CIZ1: variants seen among roughly 807,000 people sequenced by gnomAD.
CIZ1 encodes cip1-interacting zinc finger protein.
A neutral mutation model predicts 118.6 loss-of-function variants in CIZ1; 58 were observed. The observed-to-expected ratio is 0.49, with a 90% CI of 0.40 to 0.61. CIZ1 has a LOEUF of 0.61. CIZ1 is among the 20% of genes least tolerant of loss of function. The pLI is 0.00. For missense variants in CIZ1, 921 were observed against 1,115.9 expected (o/e 0.83, Z 2.49); for synonymous variants, 448 against 443.4 (o/e 1.01, Z -0.13).
chr9:128,196,855 G>T (rs4837256), intron 1 of CIZ1: 139,346 of 152,168 alleles, frequency 0.92, 64,537 homozygotes, highest in Non-Finnish European at 0.98. Flanking sequence ...CCCCGCCTCA[G>T]CCTCTCAAAG....
At chr9:128,168,559 GCTC>G (rs1402287004) in intron 14 of CIZ1, among the ~76,000 whole-genome samples, 1 of 149,748 alleles carries the variant, frequency 6.7e-6, no homozygotes, top group Admixed American at 6.6e-5. Context: ...ACGAATCCAA[GCTC>G]CTCCAGCTCC....
Position 128,166,233 on chromosome 9 carries a change from G to A in CIZ1, c.2661C>T (p.Pro887=), listed in dbSNP as rs934813268. The change falls in exon 17 of 17, where the codon CCC becomes CCT. Residue 887 remains proline (P), a synonymous_variant. Coordinates refer to ENST00000372938, the MANE Select transcript of CIZ1 (RefSeq NM_001131016.2). This position sits in a 1 kb window ranked among gnomAD's most constrained non-coding sequence, Gnocchi z 4.4. ...PSKVTARPSQ[P]PLPRRSTRLK... ...GGCGGGTTGAGCGCCGAGGTAGTGG[G>A]GGCTGGGAGGGTCGAGCCGTCACCT... 3.3e-6 allele frequency: 5 copies of A among 1,518,296 alleles called. No individual in the cohort carries two copies. The highest frequency in any genetic ancestry group is 2.0e-5 in the Admixed American group (1 of 49,714). The allele number at this position is 1,518,296 out of a possible 1,614,324, so 94.1% of individuals were successfully genotyped here. A position where few individuals can be genotyped will look rare whatever the true frequency, so the allele number is the denominator to read the frequency against.
intron 1 of CIZ1, among the ~76,000 whole-genome samples, chr9:128,200,869 C>T (rs893684751): frequency 1.3e-5 from 2 of 151,544 alleles, no homozygotes; most frequent in Non-Finnish European, 2.9e-5. Flanking sequence ...GGCACAGTGG[C>T]TCATTCCCGT....
chr9:128,176,501 G>C (rs201353020), intron 10 of CIZ1, 26 bp from the exon 11 acceptor site: 1 of 1,608,176 alleles, frequency 6.2e-7, no homozygotes, highest in East Asian at 2.2e-5. Context: ...AAGAGGGATG[G>C]GCCTGGGGCG....
intron 7 of CIZ1, 67 bp from the exon 8 acceptor site, chr9:128,179,482 C>T: frequency 6.9e-7 from 1 of 1,447,680 alleles, no homozygotes; most frequent in South Asian, 1.4e-5. Flanking sequence ...CCAAGTAAGG[C>T]CAAAACTAGG....
At position 128,179,361 on chromosome 9, in the gene CIZ1, C is replaced by T. The variant is rs916352023; in HGVS notation, c.846G>A (p.Gln282=). 11 of 1,613,676 alleles carry T rather than the reference C, an allele frequency of 6.8e-6. No homozygotes were observed. In the Admixed American group the frequency reaches 1.0e-4, roughly 15 times the overall value. Residue 282 remains glutamine, a synonymous_variant, in exon 8 of 17, where the codon CAG becomes CAA. Coordinates refer to ENST00000372938, the MANE Select transcript of CIZ1 (RefSeq NM_001131016.2). ...TCGGTACTGTCATCCGGGCCTGCGG[C>T]TGGGCCTTCACCTGTAACTGCCCTG... ...EPPGQLQVKA[Q]PQARMTVPKQ...
rs1347567476 is a variant in CIZ1, at chr9:128,180,414, C to T, written c.791+1G>A. On this transcript the variant is annotated splice_donor_variant, in intron 7 of 16. Coordinates refer to ENST00000372938, the MANE Select transcript of CIZ1 (RefSeq NM_001131016.2). LOFTEE classifies it high-confidence loss of function. ...CAGGTCAGGTTTTCAGCATCAGTTA[C>T]CTCCTCAATCTCTTTGCTGGCAGCT... 2 of 1,612,446 alleles carry T rather than the reference C, an allele frequency of 1.2e-6. No homozygotes were observed. Among genetic ancestry groups the T allele is most frequent in the Non-Finnish European group, 1.7e-6 (2 of 1,178,462 alleles).
rs778061476 is a variant in CIZ1, at chr9:128,169,436, C to G, written c.2115G>C (p.Lys705Asn). 1 of 1,614,068 alleles carries G rather than the reference C, an allele frequency of 6.2e-7. No homozygotes were observed. The highest frequency in any genetic ancestry group is 8.5e-7 in the Non-Finnish European group (1 of 1,180,042). ...TGGCTTTGTCCTTATGCCCCTGGGA[C>G]TTCACGTGCTCCACAAACTTGCGAG... ...KTPRKFVEHV[K>N]SQGHKDKAKE... is the part of the protein sequence containing the mutation. Residue 705 changes from lysine to asparagine, a missense_variant, in exon 13 of 17, where the codon AAG becomes AAC. Lys to Asn is a moderately conservative substitution (Grantham distance 94). Transcript: ENST00000372938.
At chr9:128,180,568 AG>A in intron 6 of CIZ1, 45 bp from the exon 7 acceptor site, 1 of 1,543,522 alleles carries the variant, frequency 6.5e-7, no homozygotes, top group African/African-American at 1.4e-5. Flanking sequence ...GGGAAGAGCA[AG>A]CATCTCTGAC....
At chr9:128,193,055 G>A (rs1223165240), upstream of CIZ1, among the ~76,000 whole-genome samples, 10 of 152,248 alleles carry the variant, frequency 6.6e-5, no homozygotes, top group Admixed American at 5.2e-4. Flanking sequence ...GTCATGTGAC[G>A]AGCGCCGCTC....
At chr9:128,182,347 T>A (rs1386427572) in intron 5 of CIZ1, among the ~76,000 whole-genome samples, 5 of 152,096 alleles carry the variant, frequency 3.3e-5, no homozygotes, top group African/African-American at 1.2e-4. Context: ...GTGGGGCTGG[T>A]CCCTACAGGT....
chr9:128,198,626 G>A (rs1170177386), intron 1 of CIZ1, among the ~76,000 whole-genome samples: 2 of 152,174 alleles, frequency 1.3e-5, no homozygotes, highest in Admixed American at 6.5e-5. Context: ...GAGGTCAGGA[G>A]ATCGACACCA....
chr9:128,181,767 G>A (rs139415973), intron 5 of CIZ1, among the ~76,000 whole-genome samples: 2 of 73,110 alleles, frequency 2.7e-5, no homozygotes, highest in Non-Finnish European at 6.1e-5. Context: ...GGAAAGGCGG[G>A]GGGGGGGGGG....
At chr9:128,174,024 C>CAA (rs888369095) in intron 11 of CIZ1, among the ~76,000 whole-genome samples, 1 of 147,670 alleles carries the variant, frequency 6.8e-6, no homozygotes, top group African/African-American at 2.5e-5. Context: ...AACAAAAAAA[C>CAA]AAAAAAAAAA....
intron 14 of CIZ1, among the ~76,000 whole-genome samples, chr9:128,168,301 A>G (rs1462440270): frequency 6.6e-6 from 1 of 152,166 alleles, no homozygotes; most frequent in Non-Finnish European, 1.5e-5. Context: ...GGATCACCTG[A>G]GGTCAGGAGT....
intron 10 of CIZ1, 38 bp downstream of exon 10, chr9:128,177,528 G>GGGCCC: frequency 2.6e-6 from 3 of 1,164,638 alleles, no homozygotes; most frequent in Non-Finnish European, 1.2e-6. Context: ...TTCCACGCAG[G>GGGCCC]CCCCACCCCT....
At position 128,179,394 on chromosome 9, in the gene CIZ1, C is replaced by G. The variant is rs751295605; in HGVS notation, c.813G>C (p.Lys271Asn). ...TCACCTGTAACTGCCCTGGAGGTTC[C>G]TTCTCTGTGGGCTCTTCTGAGCTAG... ...RLRSSEEPTE[K>N]EPPGQLQVKA... Residue 271 changes from lysine (K) to asparagine (N), a missense_variant, in exon 8 of 17, where the codon AAG becomes AAC. Transcript: ENST00000372938. The G allele has an allele frequency of 1.9e-6, 3 of 1,604,912 alleles. No individual in the cohort carries two copies. The highest frequency in any genetic ancestry group is 2.2e-5 in the South Asian group (2 of 90,026).
chr9:128,185,871 TC>T, intron 4 of CIZ1, 95 bp from the exon 5 acceptor site: 1 of 854,836 alleles, frequency 1.2e-6, no homozygotes. Context: ...CATGGGAACA[TC>T]CCAGATAATT....
chr9:128,173,486 C>T (rs1052533376), intron 11 of CIZ1, among the ~76,000 whole-genome samples: 1 of 151,322 alleles, frequency 6.6e-6, no homozygotes, highest in Non-Finnish European at 1.5e-5. Context: ...GGTCTCATGA[C>T]GGGCTGGTCT....
Sources: gnomAD v4.1 joint callset for allele counts (sites outside exome capture counted in the v4.1 genomes callset) on GRCh38, gnomAD v4.1.1 for gene constraint, Gnocchi (gnomAD v3.1) non-coding constraint, MANE v1.5 for transcripts, NCBI Gene and HGNC (gene_info 2026-07-23, HGNC 2026-07-21) for gene names.